The following CEP112 variants were observed in gnomAD, a reference collection of about 807,000 sequenced individuals.
CEP112 encodes the protein centrosomal protein of 112 kDa.
Under a neutral mutation model 153.0 loss-of-function variants are expected in CEP112, and 127 were observed. The ratio of observed to expected loss-of-function variants is 0.83; its 90% confidence interval spans 0.72 to 0.96. The LOEUF (loss-of-function observed/expected upper bound fraction) is 0.96. Ranked by LOEUF, CEP112 falls within the 40% of genes least tolerant of loss-of-function variation. The pLI is 0.00. For synonymous variants in CEP112, 358 were observed against 374.4 expected (o/e 0.96, Z 0.51); for missense variants, 1,089 against 1,101.2 (o/e 0.99, Z 0.16).
At chr17:65,843,604 A>G (rs571553981) in intron 21 of CEP112, among the ~76,000 whole-genome samples, 1 of 152,330 alleles carries the variant, frequency 6.6e-6, no homozygotes, top group East Asian at 1.9e-4. Context: ...TTGAATAATT[A>G]TGCCATATGG....
At chr17:65,869,316 C>T (rs2058576763) in intron 20 of CEP112, among the ~76,000 whole-genome samples, 1 of 152,162 alleles carries the variant, frequency 6.6e-6, no homozygotes, top group Admixed American at 6.5e-5. Flanking sequence ...TTTTTCAACT[C>T]TTGTTCTACT....
At chr17:66,184,235 G>A (rs1032163513) in intron 1 of CEP112, among the ~76,000 whole-genome samples, 3 of 151,998 alleles carry the variant, frequency 2.0e-5, no homozygotes, top group Admixed American at 1.3e-4. Context: ...CTCTAGCCTC[G>A]GTGACAGAGC....
At chr17:66,046,391 T>A (rs192348930) in intron 12 of CEP112, among the ~76,000 whole-genome samples, 3 of 152,250 alleles carry the variant, frequency 2.0e-5, no homozygotes, top group Admixed American at 2.0e-4. Context: ...ACCATACTAG[T>A]GTGTTTAACT....
chr17:66,128,272 C>T (rs2069947745), intron 6 of CEP112, among the ~76,000 whole-genome samples: 1 of 124,286 alleles, frequency 8.0e-6, no homozygotes, highest in Non-Finnish European at 1.6e-5. Context: ...CACTGCACTC[C>T]AGCCTGTGCG....
intron 8 of CEP112, among the ~76,000 whole-genome samples, chr17:66,076,733 C>G (rs939965976): frequency 6.6e-6 from 1 of 152,218 alleles, no homozygotes; most frequent in African/African-American, 2.4e-5. Flanking sequence ...GTGTCACCCT[C>G]TGGCAGGAGG....
At chr17:66,002,800 C>T (rs756454087) in intron 17 of CEP112, among the ~76,000 whole-genome samples, 4 of 152,032 alleles carry the variant, frequency 2.6e-5, no homozygotes, top group Non-Finnish European at 5.9e-5. Flanking sequence ...AAGAAATAAA[C>T]CCTTATTCAA....
intron 13 of CEP112, 81 bp from the exon 14 acceptor site, chr17:66,029,333 A>G: frequency 8.6e-7 from 1 of 1,164,226 alleles, no homozygotes; most frequent in Non-Finnish European, 1.2e-6. Flanking sequence ...AGCTAAATCC[A>G]AATACATTTC....
intron 8 of CEP112, among the ~76,000 whole-genome samples, chr17:66,075,287 T>C (rs1238168856): frequency 2.0e-5 from 3 of 152,178 alleles, no homozygotes; most frequent in Non-Finnish European, 2.9e-5. Context: ...TTATACTGTT[T>C]TAAAGTTATT....
intron 25 of CEP112, among the ~76,000 whole-genome samples, chr17:65,638,951 G>C (rs896784660): frequency 1.3e-5 from 2 of 152,108 alleles, no homozygotes; most frequent in Admixed American, 6.5e-5. Flanking sequence ...GTCCTACATA[G>C]CTGACACTAT....
intron 19 of CEP112, among the ~76,000 whole-genome samples, chr17:65,920,245 C>A (rs9908558): frequency 0.016 from 2,395 of 149,984 alleles, 73 homozygotes; most frequent in African/African-American, 0.057. Flanking sequence ...ACTTGGGAGG[C>A]TGAGGCAGAA....
At chr17:65,636,611 T>A (rs1469916567) in intron 26 of CEP112, 1 of 151,130 alleles carries the variant, frequency 6.6e-6, no homozygotes, top group Non-Finnish European at 1.4e-5. Flanking sequence ...TTTTTCTTTT[T>A]CTTTTGTTTT....
At chr17:65,761,289 T>G (rs906128472) in intron 21 of CEP112, among the ~76,000 whole-genome samples, 1 of 151,908 alleles carries the variant, frequency 6.6e-6, no homozygotes, top group Non-Finnish European at 1.5e-5. Flanking sequence ...ATTTTTATTT[T>G]TATTTTTAAA....
At chr17:66,100,920 TAC>T (rs542073307) in intron 6 of CEP112, among the ~76,000 whole-genome samples, 3 of 152,286 alleles carry the variant, frequency 2.0e-5, no homozygotes, top group African/African-American at 2.4e-5. Flanking sequence ...ATAGGTTATG[TAC>T]AAATACTGCA....
At chr17:65,899,624 C>G (rs1415731330) in intron 20 of CEP112, among the ~76,000 whole-genome samples, 1 of 152,024 alleles carries the variant, frequency 6.6e-6, no homozygotes, top group Non-Finnish European at 1.5e-5. Context: ...ATACAATGTA[C>G]TACATATTTG....
At chr17:66,163,117 G>A (rs779265123) in intron 4 of CEP112, among the ~76,000 whole-genome samples, 22 of 152,098 alleles carry the variant, frequency 1.4e-4, no homozygotes, top group Admixed American at 2.6e-4. Flanking sequence ...AGAGGCAATC[G>A]GAGAAGGGTA....
At chr17:65,645,058 C>T (rs2143444191) in intron 24 of CEP112, among the ~76,000 whole-genome samples, 1 of 151,978 alleles carries the variant, frequency 6.6e-6, no homozygotes, top group Admixed American at 6.5e-5. Flanking sequence ...CTTTACATTG[C>T]ATTATTTGAA....
chr17:65,706,449 G>A (rs1220618409), intron 23 of CEP112, among the ~76,000 whole-genome samples: 2 of 152,206 alleles, frequency 1.3e-5, no homozygotes, highest in Admixed American at 1.3e-4. Context: ...ACAGGCTTTA[G>A]TTACACTTAA....
intron 19 of CEP112, among the ~76,000 whole-genome samples, chr17:65,924,247 A>G (rs2060839838): frequency 6.6e-6 from 1 of 152,164 alleles, no homozygotes; most frequent in South Asian, 2.1e-4. Context: ...AAGTGCTGGG[A>G]TTACAGGCAT....
chr17:65,737,719 C>T (rs1242139951), intron 23 of CEP112, among the ~76,000 whole-genome samples: 1 of 152,216 alleles, frequency 6.6e-6, no homozygotes, highest in Non-Finnish European at 1.5e-5. Context: ...CACTACAAGT[C>T]AGTTTCACTT....
Sources: allele counts gnomAD v4.1 joint callset (sites outside exome capture counted in the v4.1 genomes callset), GRCh38; gene constraint gnomAD v4.1.1; transcripts MANE v1.5; gene names NCBI Gene and HGNC (gene_info 2026-07-23, HGNC 2026-07-21).